Variants in RPS6KC1 observed in about 807,000 individuals in gnomAD.
RPS6KC1 encodes the protein inactive ribosomal protein S6 kinase delta-1.
A neutral mutation model predicts 103.8 loss-of-function variants in RPS6KC1; 54 were observed. That is an observed-to-expected ratio of 0.52 (90% CI 0.42 to 0.65). The LOEUF (loss-of-function observed/expected upper bound fraction) is 0.65. Among genes scored for constraint, RPS6KC1 ranks in the 30% least tolerant of loss-of-function variants. The pLI is 0.00. For missense variants in RPS6KC1, 1,151 were observed against 1,253.8 expected (o/e 0.92, Z 1.24); for synonymous variants, 439 against 438.7 (o/e 1.00, Z -0.01).
the RPS6KC1 span, among the ~76,000 whole-genome samples, chr1:213,722,247 T>C: frequency 6.6e-6 from 1 of 152,102 alleles, no homozygotes; most frequent in South Asian, 2.1e-4. Context: ...AGGGGCAAGG[T>C]GACTGGTCTT....
the RPS6KC1 span, among the ~76,000 whole-genome samples, chr1:213,726,849 G>A: frequency 6.6e-6 from 1 of 152,220 alleles, no homozygotes; most frequent in Non-Finnish European, 1.5e-5. Context: ...CTCAGTTCAG[G>A]AGCACAGAAG....
the RPS6KC1 span, among the ~76,000 whole-genome samples, chr1:213,591,630 A>G: frequency 6.6e-6 from 1 of 151,976 alleles, no homozygotes; most frequent in Admixed American, 6.5e-5. Context: ...CCAACTTCTC[A>G]CTTCTTAAAC....
the RPS6KC1 span, among the ~76,000 whole-genome samples, chr1:213,763,253 C>A: frequency 2.6e-5 from 4 of 152,300 alleles, no homozygotes; most frequent in East Asian, 7.7e-4. Flanking sequence ...AAAACAGGAA[C>A]CAAACGACGA....
chr1:213,345,632 G>T, the RPS6KC1 span, among the ~76,000 whole-genome samples: 1 of 152,156 alleles, frequency 6.6e-6, no homozygotes, highest in Non-Finnish European at 1.5e-5. Context: ...TAACTTCTAG[G>T]GAATTGTCTT....
chr1:213,472,644 A>G, the RPS6KC1 span, among the ~76,000 whole-genome samples: 2 of 152,138 alleles, frequency 1.3e-5, no homozygotes, highest in South Asian at 4.2e-4. Context: ...AGCACCATCA[A>G]ATGTTGACAG....
chr1:213,668,397 G>A, the RPS6KC1 span, among the ~76,000 whole-genome samples: 2 of 43,234 alleles, frequency 4.6e-5, no homozygotes, highest in Admixed American at 2.2e-4. Context: ...CCTTCCCCCC[G>A]CCGCACCACC....
At chr1:213,612,567 T>G in the RPS6KC1 span, among the ~76,000 whole-genome samples, 1 of 152,202 alleles carries the variant, frequency 6.6e-6, no homozygotes, top group African/African-American at 2.4e-5. Context: ...AAAATGTACA[T>G]AAAGTTGCTG....
chr1:213,661,662 T>C, the RPS6KC1 span, among the ~76,000 whole-genome samples: 1 of 152,190 alleles, frequency 6.6e-6, no homozygotes, highest in African/African-American at 2.4e-5. Flanking sequence ...AAGGACCTCC[T>C]TGAATGAAAC....
At chr1:213,054,499 G>A (rs753664431) in intron 1 of RPS6KC1, among the ~76,000 whole-genome samples, 16 of 152,130 alleles carry the variant, frequency 1.1e-4, no homozygotes, top group Non-Finnish European at 1.9e-4. Flanking sequence ...GTGCTCTCCT[G>A]AGAGAACTTC....
chr1:213,165,977 G>A (rs916381489), intron 6 of RPS6KC1, among the ~76,000 whole-genome samples: 3 of 152,200 alleles, frequency 2.0e-5, no homozygotes, highest in African/African-American at 7.2e-5. Context: ...TCTGGTTCTT[G>A]TTTCTGTTAC....
chr1:213,072,355 G>A (rs2078964681), intron 2 of RPS6KC1, among the ~76,000 whole-genome samples: 1 of 151,908 alleles, frequency 6.6e-6, no homozygotes, highest in Non-Finnish European at 1.5e-5. Flanking sequence ...TTTCATAGTT[G>A]TTTTTGTCCT....
chr1:213,631,804 GT>G, the RPS6KC1 span, among the ~76,000 whole-genome samples: 56,281 of 151,766 alleles, frequency 0.37, 11,538 homozygotes, highest in Non-Finnish European at 0.47. Context: ...AAAAATATGG[GT>G]TTTTTGCCCT....
the RPS6KC1 span, among the ~76,000 whole-genome samples, chr1:213,308,718 T>C: frequency 3.3e-5 from 5 of 152,326 alleles, no homozygotes; most frequent in South Asian, 1.0e-3. Context: ...ACTTATAAAA[T>C]CAGTCCCTAC....
At chr1:213,269,758 T>G (rs1465198138) in intron 14 of RPS6KC1, among the ~76,000 whole-genome samples, 1 of 151,958 alleles carries the variant, frequency 6.6e-6, no homozygotes, top group East Asian at 1.9e-4. Context: ...CGTAAGAAAC[T>G]ATGAAACAAA....
chr1:213,698,954 G>A, the RPS6KC1 span, among the ~76,000 whole-genome samples: 2 of 151,568 alleles, frequency 1.3e-5, no homozygotes, highest in Non-Finnish European at 2.9e-5. Flanking sequence ...TATTTTGAGG[G>A]TACGTGAGAT....
At position 213,152,048 on chromosome 1, in the gene RPS6KC1, C is replaced by T. The variant is rs538176193; in HGVS notation, c.836-15810C>T. On this transcript the variant is annotated intron_variant, in intron 6 of 14. Transcript: ENST00000366960. Reference sequence around the variant, plus strand: ...CTCCCGGACGGGGCAGCTGGCCGGGCGGGGGGCTAACCCCCCCACCTCCCT... The same window carrying T: ...CTCCCGGACGGGGCAGCTGGCCGGGTGGGGGGCTAACCCCCCCACCTCCCT... Among the ~76,000 whole-genome samples the T allele has an allele frequency of 5.7e-5, 8 of 141,072 alleles. No homozygotes were observed. In the South Asian group the frequency reaches 1.1e-3, roughly 20 times the overall value. 92.5% of individuals were successfully genotyped at this position (141,072 alleles called of 152,430 possible).
At chr1:213,802,277 T>C in the RPS6KC1 span, among the ~76,000 whole-genome samples, 3 of 152,234 alleles carry the variant, frequency 2.0e-5, no homozygotes, top group Non-Finnish European at 2.9e-5. Context: ...TCAATTTAAC[T>C]GCTGCCACTC....
At chr1:213,799,818 G>A in the RPS6KC1 span, among the ~76,000 whole-genome samples, 1 of 152,198 alleles carries the variant, frequency 6.6e-6, no homozygotes, top group Non-Finnish European at 1.5e-5. Flanking sequence ...TGTCTAGTAG[G>A]CAGGTATCTT....
chr1:213,514,215 A>C, the RPS6KC1 span, among the ~76,000 whole-genome samples: 1 of 152,198 alleles, frequency 6.6e-6, no homozygotes, highest in African/African-American at 2.4e-5. Context: ...TTAATAAATA[A>C]ATGCTGAGGA....
Sources: allele counts gnomAD v4.1 joint callset (sites outside exome capture counted in the v4.1 genomes callset), GRCh38; gene constraint gnomAD v4.1.1; transcripts MANE v1.5; gene names NCBI Gene and HGNC (gene_info 2026-07-23, HGNC 2026-07-21).